Variants in ANK3 observed in about 807,000 individuals in gnomAD.
The protein encoded by ANK3 is ankyrin-3.
A neutral mutation model predicts 370.9 loss-of-function variants in ANK3; 57 were observed. The observed-to-expected ratio is 0.15, with a 90% CI of 0.12 to 0.19. The LOEUF is 0.19. Ranked by LOEUF, ANK3 falls within the 10% of genes least tolerant of loss-of-function variation. The probability of loss-of-function intolerance (pLI) is 1.00; values close to 1 mark genes in which losing one functional copy is unlikely to be tolerated. For synonymous variants in ANK3, 1,929 were observed against 1,946.3 expected, an observed-to-expected ratio of 0.99 and a Z score of 0.23; for missense variants, 4,439 against 5,302.1, an observed-to-expected ratio of 0.84 and a Z score of 5.06.
chr10:60,178,025 C>A (rs1462278391), intron 18 of ANK3, among the ~76,000 whole-genome samples: 1 of 152,134 alleles, frequency 6.6e-6, no homozygotes, highest in Non-Finnish European at 1.5e-5. Context: ...TCAACTTATT[C>A]TTCGCATTGC....
At position 60,213,425 on chromosome 10, in the gene ANK3, A is replaced by G; in HGVS notation, c.983T>C (p.Leu328Pro). Residue 328 changes from leucine to proline, a missense_variant, in exon 9 of 44, where the codon CTT becomes CCT. Transcript: ENST00000280772. ...EMLLDRAAPILSKTKNGLSPL... is the reference protein window; with the variant it reads ...EMLLDRAAPIPSKTKNGLSPL... ...AAAAGAAATTACCTTGGTTTTTGAA[A>G]GAATGGGGGCAGCTCGATCAAGCAA... The G allele has an allele frequency of 6.2e-7, 1 of 1,612,192 alleles. No individual in the cohort carries two copies. Among genetic ancestry groups the G allele is most frequent in the Non-Finnish European group, 8.5e-7 (1 of 1,178,910 alleles).
At chr10:60,619,245 C>G (rs1028803983) in intron 1 of ANK3, among the ~76,000 whole-genome samples, 9 of 152,036 alleles carry the variant, frequency 5.9e-5, no homozygotes, top group Non-Finnish European at 1.3e-4. Context: ...CATCTGATAA[C>G]CAAGTCTTGA....
At chr10:60,097,306 C>T (rs1029472136) in intron 28 of ANK3, among the ~76,000 whole-genome samples, 7 of 152,158 alleles carry the variant, frequency 4.6e-5, no homozygotes, top group African/African-American at 7.2e-5. Context: ...TTGCAGACTA[C>T]CTCACACGAG....
intron 8 of ANK3, among the ~76,000 whole-genome samples, chr10:60,221,404 T>A (rs1277673471): frequency 2.0e-5 from 3 of 152,034 alleles, no homozygotes; most frequent in Non-Finnish European, 4.4e-5. Context: ...TCAAAAGAAG[T>A]TTTAATTATA....
At chr10:60,299,576 A>T (rs554152623) in intron 1 of ANK3, among the ~76,000 whole-genome samples, 3 of 152,316 alleles carry the variant, frequency 2.0e-5, no homozygotes, top group African/African-American at 7.2e-5. Context: ...AGGTAGAAAC[A>T]AGAGATCACA....
intron 1 of ANK3, among the ~76,000 whole-genome samples, chr10:60,695,522 G>T (rs1213165089): frequency 2.0e-5 from 3 of 152,116 alleles, no homozygotes; most frequent in Non-Finnish European, 2.9e-5. Context: ...CTCAGCAAAT[G>T]TAAAAGAACA....
chr10:60,048,980 T>C (rs16914606), intron 42 of ANK3, among the ~76,000 whole-genome samples: 13,161 of 152,272 alleles, frequency 0.086, 576 homozygotes, highest in Middle Eastern at 0.15. Flanking sequence ...TATACTATTA[T>C]AGTCCTCAAG....
intron 1 of ANK3, among the ~76,000 whole-genome samples, chr10:60,362,469 A>T (rs978061540): frequency 1.3e-5 from 2 of 152,328 alleles, no homozygotes; most frequent in African/African-American, 4.8e-5. Context: ...CACTATTTAA[A>T]ACTGTGTAAG....
chr10:60,394,186 G>C (rs923208637), upstream of ANK3, among the ~76,000 whole-genome samples: 8 of 149,056 alleles, frequency 5.4e-5, no homozygotes, highest in African/African-American at 2.0e-4. Context: ...AAGAGACCTA[G>C]AGCAGGTTTG....
chr10:60,103,125 A>G (rs1354288407), intron 28 of ANK3, among the ~76,000 whole-genome samples: 1 of 151,776 alleles, frequency 6.6e-6, no homozygotes, highest in Non-Finnish European at 1.5e-5. Context: ...TAATTTTTGT[A>G]TTTTTAGTAG....
intron 8 of ANK3, among the ~76,000 whole-genome samples, chr10:60,228,700 G>A (rs746211803): frequency 5.3e-5 from 8 of 152,016 alleles, no homozygotes; most frequent in Non-Finnish European, 1.0e-4. Context: ...GATGGTTATA[G>A]TTGACAGCTA....
chr10:60,198,285 G>GT, intron 14 of ANK3, 55 bp downstream of exon 14: 1 of 1,572,854 alleles, frequency 6.4e-7, no homozygotes, highest in Non-Finnish European at 8.7e-7. Flanking sequence ...GCGGGGAAAC[G>GT]TAAGGAAGAT....
At chr10:60,526,117 T>C (rs2076464375) in intron 2 of ANK3, among the ~76,000 whole-genome samples, 1 of 152,116 alleles carries the variant, frequency 6.6e-6, no homozygotes, top group African/African-American at 2.4e-5. Flanking sequence ...GAATTCCCCA[T>C]CCTAATGGTA....
chr10:60,561,911 C>A (rs1044191068), intron 2 of ANK3, among the ~76,000 whole-genome samples: 1 of 152,170 alleles, frequency 6.6e-6, no homozygotes. Context: ...GTAGCAGCCT[C>A]TTGTGTAATT....
At chr10:60,439,580 C>T (rs939852267) in intron 2 of ANK3, among the ~76,000 whole-genome samples, 6 of 151,992 alleles carry the variant, frequency 3.9e-5, no homozygotes, top group South Asian at 2.1e-4. Flanking sequence ...TTGTGTAAAC[C>T]GAAAGCAGCC....
At chr10:60,611,767 G>C (rs2078204926) in intron 2 of ANK3, among the ~76,000 whole-genome samples, 2 of 150,432 alleles carry the variant, frequency 1.3e-5, no homozygotes, top group Admixed American at 1.3e-4. Context: ...ACATTTACAG[G>C]CATCTAAATC....
chr10:60,265,438 A>G (rs2097861999), intron 5 of ANK3, among the ~76,000 whole-genome samples: 1 of 152,142 alleles, frequency 6.6e-6, no homozygotes, highest in African/African-American at 2.4e-5. Context: ...TACAGATTTC[A>G]CTGCAGTGAA....
Position 60,336,867 on chromosome 10 carries a change from C to T in ANK3, c.114+52558G>A, listed in dbSNP as rs111636499. Among the ~76,000 whole-genome samples the T allele has an allele frequency of 3.8e-3, 583 of 152,224 alleles. 4 individuals carry two copies. The highest frequency in any genetic ancestry group is 0.013 in the African/African-American group (554 of 41,548). On this transcript the variant is annotated intron_variant, in intron 1 of 43. Transcript: ENST00000280772. ...TAGACAAAGAGAAGGACTCGTCCCTCGGACCATTTTGTGTGCATCTACATT... is the reference window on the plus strand; with the variant it reads ...TAGACAAAGAGAAGGACTCGTCCCTTGGACCATTTTGTGTGCATCTACATT...
intron 2 of ANK3, among the ~76,000 whole-genome samples, chr10:60,439,837 T>C (rs531569263): frequency 1.3e-5 from 2 of 152,254 alleles, no homozygotes; most frequent in African/African-American, 2.4e-5. Flanking sequence ...TGACAATTCA[T>C]GACTGTAATT....
Sources: allele counts gnomAD v4.1 joint callset (sites outside exome capture counted in the v4.1 genomes callset), GRCh38; gene constraint gnomAD v4.1.1; transcripts MANE v1.5; gene names NCBI Gene and HGNC (gene_info 2026-07-23, HGNC 2026-07-21).